The following GAS6 variants were observed in gnomAD, a reference collection of about 807,000 sequenced individuals.
The protein encoded by GAS6 is growth arrest specific 6, also known as growth arrest-specific protein 6.
A neutral mutation model predicts 75.8 loss-of-function variants in GAS6; 41 were observed. The ratio of observed to expected loss-of-function variants is 0.54; its 90% confidence interval spans 0.42 to 0.70. The LOEUF is 0.70. Ranked by LOEUF, GAS6 falls within the 30% of genes least tolerant of loss-of-function variation. The probability of loss-of-function intolerance (pLI) is 0.00; values close to 1 mark genes in which losing one functional copy is unlikely to be tolerated. For missense variants in GAS6, 854 were observed against 940.2 expected (o/e 0.91, Z 1.20); for synonymous variants, 432 against 412.6 (o/e 1.05, Z -0.57).
chr13:113,822,360 C>A, intron 13 of GAS6, 174 bp from the exon 14 acceptor site: 2 of 506,718 alleles, frequency 3.9e-6, no homozygotes, highest in Non-Finnish European at 3.4e-6. Flanking sequence ...ACCCCCACCC[C>A]ACCTGGGGCT....
chr13:113,826,794 G>C (rs940493127), intron 12 of GAS6, among the ~76,000 whole-genome samples: 3 of 152,168 alleles, frequency 2.0e-5, no homozygotes, highest in African/African-American at 4.8e-5. Context: ...GGCTGACTCT[G>C]AACTGAGTGA....
At chr13:113,842,136 G>A (rs1367597922) in intron 4 of GAS6, 18 of 124,572 alleles carry the variant, frequency 1.4e-4, no homozygotes, top group African/African-American at 7.9e-4. Flanking sequence ...AATTTCCTCT[G>A]TATGCTTCAG....
At chr13:113,823,118 A>G in intron 13 of GAS6, 1 of 412,884 alleles carries the variant, frequency 2.4e-6, no homozygotes. Flanking sequence ...GAACAGGGGA[A>G]AAGCTCCCAC....
intron 5 of GAS6, 152 bp from the exon 6 acceptor site, chr13:113,838,343 AG>A: frequency 1.2e-6 from 1 of 846,094 alleles, no homozygotes; most frequent in African/African-American, 1.9e-5. Context: ...GAGATCCCAA[AG>A]GTGCACAGCC....
chr13:113,854,134 C>T (rs1415865253), intron 2 of GAS6, among the ~76,000 whole-genome samples: 3 of 152,224 alleles, frequency 2.0e-5, no homozygotes, highest in Admixed American at 6.5e-5. Flanking sequence ...CACCCAGGTG[C>T]GCCCTCCCTT....
intron 2 of GAS6, among the ~76,000 whole-genome samples, chr13:113,850,284 G>A (rs752455903): frequency 6.6e-6 from 1 of 152,110 alleles, no homozygotes; most frequent in Admixed American, 6.5e-5. Context: ...TATCTCCAGA[G>A]CAGCACCCCC....
chr13:113,833,604 A>G, intron 8 of GAS6: 1 of 1,005,352 alleles, frequency 9.9e-7, no homozygotes, highest in Non-Finnish European at 1.2e-6. Flanking sequence ...TCGGTGTGAC[A>G]GGCACCGGTG....
intron 14 of GAS6, 173 bp downstream of exon 14, chr13:113,821,785 G>C: frequency 1.7e-6 from 1 of 588,186 alleles, no homozygotes; most frequent in Non-Finnish European, 3.0e-6. Flanking sequence ...CCAGCACCGA[G>C]ACACCATAAT....
rs191607985 is a variant in GAS6 at position 113,837,002 on chromosome 13, G to A, written c.589+1067C>T. Among the ~76,000 whole-genome samples, 902 of 151,756 alleles carry A rather than the reference G, an allele frequency of 5.9e-3. 10 individuals are homozygous for A. The highest frequency in any genetic ancestry group is 0.02 in the Middle Eastern group (6 of 294). On this transcript the variant is annotated intron_variant, in intron 6 of 14. Transcript: ENST00000327773. This position sits in a 1 kb window ranked among gnomAD's most constrained non-coding sequence, Gnocchi z 5.1. ...AGTAACTGTGAGCCTAGACTTTGCCGGGAGTGCCCGACTGGTGCAGGGACC... is the reference window on the plus strand; with the variant it reads ...AGTAACTGTGAGCCTAGACTTTGCCAGGAGTGCCCGACTGGTGCAGGGACC...
chr13:113,821,931 G>A (rs745832801), intron 14 of GAS6, 27 bp downstream of exon 14: 36 of 1,493,380 alleles, frequency 2.4e-5, no homozygotes, highest in Middle Eastern at 4.6e-4. Flanking sequence ...CTCTTCACCC[G>A]GGTTGAGCGG....
intron 8 of GAS6, among the ~76,000 whole-genome samples, chr13:113,834,054 CCGGTGTGACAGGT>C (rs1259151315): frequency 3.7e-5 from 5 of 134,658 alleles, no homozygotes; most frequent in African/African-American, 8.7e-5. Flanking sequence ...GTGATAGGCC[CCGGTGTGACAGGT>C]CGGTGTGACA....
Position 113,863,654 on chromosome 13 carries a change from C to T in GAS6, c.176G>A (p.Gly59Asp). ...CTCCACGCACTCCCTCTCCAGGTGG[C>T]CCTGCTTGGCCTCCTCGAAGACCTG... is the stretch of plus-strand genomic sequence containing the variant. ...AFQVFEEAKQ[G>D]HLERECVEEL... Residue 59 changes from glycine to aspartate, a missense_variant, in exon 2 of 15, where the codon GGC becomes GAC. Coordinates refer to ENST00000327773, the MANE Select transcript of GAS6 (RefSeq NM_000820.4). This position sits in a 1 kb window ranked among gnomAD's most constrained non-coding sequence, Gnocchi z 9.4. The T allele has an allele frequency of 6.6e-7, 1 of 1,523,306 alleles. No homozygotes were observed. The highest frequency in any genetic ancestry group is 8.8e-7 in the Non-Finnish European group (1 of 1,135,328). The allele number at this position is 1,523,306 out of a possible 1,614,324, so 94.4% of individuals were successfully genotyped here.
At chr13:113,851,034 T>G (rs2051869223) in intron 2 of GAS6, among the ~76,000 whole-genome samples, 1 of 151,394 alleles carries the variant, frequency 6.6e-6, no homozygotes, top group African/African-American at 2.4e-5. Flanking sequence ...TGGGAATGAA[T>G]GAATGGATGA....
Position 113,838,206 on chromosome 13 carries a change from A to C in GAS6, c.467-15T>G, listed in dbSNP as rs1332547250. On this transcript the variant is annotated splice_polypyrimidine_tract_variant and intron_variant, in intron 5 of 14. Coordinates refer to ENST00000327773, the MANE Select transcript of GAS6 (RefSeq NM_000820.4). ...TTCGTTGACATCTGGGAACAAGCAC[A>C]GGCCTGAAGGGGAGCCCAAGGGTGC... 2.5e-6 allele frequency: 4 copies of C among 1,611,766 alleles called. No homozygotes were observed. The highest frequency in any genetic ancestry group is 3.3e-4 in the Middle Eastern group (2 of 6,052).
Position 113,820,737 on chromosome 13 carries a change from G to A in GAS6, c.*127C>T. On this transcript the variant is annotated 3_prime_UTR_variant, in exon 15 of 15. Coordinates refer to ENST00000327773, the MANE Select transcript of GAS6 (RefSeq NM_000820.4). ...AGTCCATCTCACTATTTACAGATAT[G>A]TTACAGGCCGGGATGGTCACAGAGG... The A allele has an allele frequency of 9.0e-7, 1 of 1,111,336 alleles. No homozygotes were observed. Among genetic ancestry groups the A allele is most frequent in the Non-Finnish European group, 1.2e-6 (1 of 800,816 alleles). The allele number at this position is 1,111,336 out of a possible 1,614,324, so 68.8% of individuals were successfully genotyped here.
At position 113,827,183 on chromosome 13, in the gene GAS6, C is replaced by G. The variant is rs1367644588; in HGVS notation, c.1309-19G>C. On this transcript the variant is annotated intron_variant, in intron 11 of 14. Transcript: ENST00000327773. ...GGTTTATCTGGAAAGGCAGAGAAAT[C>G]TCCGTGGCTTCCTGGGAGCGAGAAG... 9 of 1,606,994 alleles carry G rather than the reference C, an allele frequency of 5.6e-6. No individual in the cohort carries two copies. The East Asian group carries it at 2.0e-4, about 36-fold the overall frequency.
At chr13:113,839,051 G>C (rs919554321) in intron 5 of GAS6, 1 of 162,484 alleles carries the variant, frequency 6.2e-6, no homozygotes. Flanking sequence ...CAGCCCACAG[G>C]GCTCAGCTCC....
chr13:113,849,856 A>G (rs1219106601), intron 2 of GAS6, among the ~76,000 whole-genome samples: 2 of 152,262 alleles, frequency 1.3e-5, no homozygotes, highest in African/African-American at 4.8e-5. Flanking sequence ...TAATGGAGGC[A>G]GAAAGCATAT....
chr13:113,840,489 AAC>A (rs2051763737), intron 4 of GAS6: 1 of 152,404 alleles, frequency 6.6e-6, no homozygotes, highest in Non-Finnish European at 1.5e-5. Context: ...TGAGGGTGGG[AAC>A]CCGTGCCAGT....
Sources: gnomAD v4.1 joint callset for allele counts (sites outside exome capture counted in the v4.1 genomes callset) on GRCh38, gnomAD v4.1.1 for gene constraint, Gnocchi (gnomAD v3.1) non-coding constraint, MANE v1.5 for transcripts, NCBI Gene and HGNC (gene_info 2026-07-23, HGNC 2026-07-21) for gene names.